RNF169: variants seen among roughly 807,000 people sequenced by gnomAD.
The protein encoded by RNF169 is ring finger protein 169, also known as E3 ubiquitin-protein ligase RNF169.
In RNF169, 24 loss-of-function variants were observed where a neutral mutation model predicts 53.9. That is an observed-to-expected ratio of 0.45 (90% CI 0.32 to 0.63). The LOEUF is 0.63. Ranked by LOEUF, RNF169 falls within the 20% of genes least tolerant of loss-of-function variation. The probability of loss-of-function intolerance (pLI) is 0.04; values close to 1 mark genes in which losing one functional copy is unlikely to be tolerated. For synonymous variants in RNF169, 396 were observed against 363.5 expected (o/e 1.09, Z -1.02); for missense variants, 883 against 906.2 (o/e 0.97, Z 0.33).
At chr11:74,769,804 C>T (rs767181272) in intron 1 of RNF169, among the ~76,000 whole-genome samples, 2 of 152,164 alleles carry the variant, frequency 1.3e-5, no homozygotes, top group Non-Finnish European at 2.9e-5. Flanking sequence ...CTCTACTCTC[C>T]TTGTACCCCC....
Position 74,749,021 on chromosome 11 carries a change from G to C in RNF169, c.141G>C (p.Leu47=). Reference sequence around the variant, plus strand: ...CAGGCCCGGCTTCTGGACCTTCGCTGTTGGTGTTGTCGCCGCCGTTGCTGC... The same window carrying C: ...CAGGCCCGGCTTCTGGACCTTCGCTCTTGGTGTTGTCGCCGCCGTTGCTGC... ...GAPGPASGPS[L]LVLSPPLLQP... Residue 47 remains leucine (L), a synonymous_variant, in exon 1 of 6, where the codon CTG becomes CTC. Coordinates refer to ENST00000299563, the MANE Select transcript of RNF169 (RefSeq NM_001098638.2). The C allele has an allele frequency of 6.7e-7, 1 of 1,487,146 alleles. No individual in the cohort carries two copies. Among genetic ancestry groups the C allele is most frequent in the South Asian group, 1.3e-5 (1 of 78,504 alleles). 92.1% of individuals were successfully genotyped at this position (1,487,146 alleles called of 1,614,324 possible).
Position 74,836,644 on chromosome 11 carries a change from G to A in RNF169, c.2041G>A (p.Asp681Asn), listed in dbSNP as rs1467459505. The A allele has an allele frequency of 1.9e-6, 3 of 1,614,000 alleles. No individual in the cohort carries two copies. The highest frequency in any genetic ancestry group is 2.2e-5 in the East Asian group (1 of 44,886). Residue 681 changes from aspartate (D) to asparagine (N), a missense_variant, in exon 6 of 6, where the codon GAC becomes AAC. Transcript: ENST00000299563. Reference sequence around the variant, plus strand: ...GGCTCTGCAGTTGCAGCGCATGTTCGACAATGAGAGGCGGACTGTGAGCCG... The same window carrying A: ...GGCTCTGCAGTTGCAGCGCATGTTCAACAATGAGAGGCGGACTGTGAGCCG... Reference protein sequence around the residue: ...QLALQLQRMFDNERRTVSRRK... With the variant: ...QLALQLQRMFNNERRTVSRRK...
intron 3 of RNF169, among the ~76,000 whole-genome samples, chr11:74,813,695 T>C (rs1437970395): frequency 1.3e-5 from 2 of 152,140 alleles, no homozygotes; most frequent in African/African-American, 4.8e-5. Flanking sequence ...ATACATACTG[T>C]TTTTCTTTTT....
intron 3 of RNF169, among the ~76,000 whole-genome samples, chr11:74,815,014 T>C (rs2035924597): frequency 6.6e-6 from 1 of 152,202 alleles, no homozygotes; most frequent in African/African-American, 2.4e-5. Flanking sequence ...TCCTCACATC[T>C]TGCCAACTTT....
chr11:74,753,072 G>C (rs1203937394), intron 1 of RNF169, among the ~76,000 whole-genome samples: 44 of 152,116 alleles, frequency 2.9e-4, no homozygotes, highest in Admixed American at 2.9e-3. Context: ...CGGTTCAAGC[G>C]ATTCTCCTGT....
chr11:74,829,917 C>T (rs1040114212), intron 4 of RNF169, among the ~76,000 whole-genome samples: 9 of 152,048 alleles, frequency 5.9e-5, no homozygotes, highest in Non-Finnish European at 1.2e-4. Flanking sequence ...GGCTTAATAC[C>T]TAGGTGATGG....
rs1442100083 is a variant in RNF169 at position 74,840,043 on chromosome 11, G to C, written c.*3313G>C. 6.6e-6 allele frequency: 1 copy of C among 152,154 alleles called. No individual in the cohort carries two copies. Among genetic ancestry groups the C allele is most frequent in the Non-Finnish European group, 1.5e-5 (1 of 68,030 alleles). 9.4% of individuals were successfully genotyped at this position (152,154 alleles called of 1,614,324 possible). On this transcript the variant is annotated 3_prime_UTR_variant, in exon 6 of 6. Coordinates refer to ENST00000299563, the MANE Select transcript of RNF169 (RefSeq NM_001098638.2). ...CCCTAAAGGAAAAATGTCCTTAAGA[G>C]ATTAAAGCTCTTAATTGATTACTGT...
chr11:74,835,490 A>T lies in RNF169; in HGVS notation c.943-56A>T, dbSNP rs1401984675. ...CCTCCACCATCATAAAGGAATGATG[A>T]AGGAAAATGTATATGTATGTGTGTA... On this transcript the variant is annotated intron_variant, in intron 5 of 5. Transcript: ENST00000299563. The T allele has an allele frequency of 6.0e-6, 8 of 1,332,850 alleles. No individual in the cohort carries two copies. In the African/African-American group the frequency reaches 1.2e-4, roughly 20 times the overall value. 82.6% of individuals were successfully genotyped at this position (1,332,850 alleles called of 1,614,324 possible).
intron 4 of RNF169, among the ~76,000 whole-genome samples, chr11:74,826,192 G>C (rs1029292630): frequency 6.6e-6 from 1 of 152,122 alleles, no homozygotes; most frequent in Non-Finnish European, 1.5e-5. Context: ...TGGGTGTGGT[G>C]ACATGCACCT....
chr11:74,793,621 A>G (rs778758298), intron 2 of RNF169, among the ~76,000 whole-genome samples: 3 of 152,232 alleles, frequency 2.0e-5, no homozygotes, highest in Non-Finnish European at 4.4e-5. Flanking sequence ...TGAGGGGCCT[A>G]CTAAGGACAG....
At chr11:74,802,955 C>G (rs2035753919) in intron 2 of RNF169, among the ~76,000 whole-genome samples, 1 of 152,000 alleles carries the variant, frequency 6.6e-6, no homozygotes, top group Non-Finnish European at 1.5e-5. Flanking sequence ...GAGTCTTGCT[C>G]TGTCGCCCAG....
intron 1 of RNF169, among the ~76,000 whole-genome samples, chr11:74,765,806 C>CAAAAAAAAAAAAAA (rs35483204): frequency 9.2e-6 from 1 of 108,980 alleles, no homozygotes; most frequent in South Asian, 2.8e-4. Context: ...GGCAACATCT[C>CAAAAAAAAAAAAAA]AAAAAAAAAA....
intron 1 of RNF169, among the ~76,000 whole-genome samples, chr11:74,759,155 ATT>A: frequency 9.9e-6 from 1 of 100,962 alleles, no homozygotes; most frequent in South Asian, 3.7e-4. Context: ...TTGTACATTG[ATT>A]TTGTATCCTG....
rs1039371768 is a variant in RNF169 at position 74,837,994 on chromosome 11, T to G, written c.*1264T>G. 7.2e-5 allele frequency: 11 copies of G among 152,260 alleles called. No individual in the cohort carries two copies. The highest frequency in any genetic ancestry group is 2.7e-4 in the African/African-American group (11 of 41,478). 9.4% of individuals were successfully genotyped at this position (152,260 alleles called of 1,614,324 possible). ...GTATGAGTTACTATATAAAGTCATG[T>G]GACTGGCATTTTAACAGACCTTCCA... On this transcript the variant is annotated 3_prime_UTR_variant, in exon 6 of 6. Coordinates refer to ENST00000299563, the MANE Select transcript of RNF169 (RefSeq NM_001098638.2).
At chr11:74,777,110 A>C (rs2035347705) in intron 1 of RNF169, among the ~76,000 whole-genome samples, 1 of 152,212 alleles carries the variant, frequency 6.6e-6, no homozygotes, top group African/African-American at 2.4e-5. Flanking sequence ...ATCTATACCA[A>C]GTAGGTATTG....
chr11:74,840,280 T>C lies in RNF169; in HGVS notation c.*3550T>C, dbSNP rs2135163734. 1 of 152,352 alleles carries C rather than the reference T, an allele frequency of 6.6e-6. No homozygotes were observed. The highest frequency in any genetic ancestry group is 3.4e-3 in the Middle Eastern group (1 of 294). The allele number at this position is 152,352 out of a possible 1,614,324, so 9.4% of individuals were successfully genotyped here. A position where few individuals can be genotyped will look rare whatever the true frequency, so the allele number is the denominator to read the frequency against. ...AATGGAATGCATTTGAATGTATGTG[T>C]GGCTGGAGAGTTCATTTATGGTCTT... On this transcript the variant is annotated 3_prime_UTR_variant, in exon 6 of 6. Coordinates refer to ENST00000299563, the MANE Select transcript of RNF169 (RefSeq NM_001098638.2).
intron 1 of RNF169, among the ~76,000 whole-genome samples, chr11:74,774,451 A>G (rs138535941): frequency 6.6e-6 from 1 of 152,182 alleles, no homozygotes; most frequent in African/African-American, 2.4e-5. Context: ...TAGATATTTT[A>G]ATTTTAAAGT....
At chr11:74,806,809 G>T (rs1445773486) in intron 2 of RNF169, among the ~76,000 whole-genome samples, 1 of 151,810 alleles carries the variant, frequency 6.6e-6, no homozygotes, top group Non-Finnish European at 1.5e-5. Flanking sequence ...TGGGTGAGGG[G>T]TGAGCATAAG....
intron 4 of RNF169, among the ~76,000 whole-genome samples, chr11:74,826,335 T>C (rs1381668809): frequency 1.3e-5 from 2 of 151,870 alleles, no homozygotes; most frequent in Non-Finnish European, 2.9e-5. Flanking sequence ...CATAAATAAG[T>C]AAATAAATGA....
Sources: allele counts gnomAD v4.1 joint callset (sites outside exome capture counted in the v4.1 genomes callset), GRCh38; gene constraint gnomAD v4.1.1; transcripts MANE v1.5; gene names NCBI Gene and HGNC (gene_info 2026-07-23, HGNC 2026-07-21).